Variants in FBXL13 observed in about 807,000 individuals in gnomAD.
The protein encoded by FBXL13 is F-box and leucine-rich repeat protein 13.
A neutral mutation model predicts 83.6 loss-of-function variants in FBXL13; 67 were observed. That is an observed-to-expected ratio of 0.80 (90% confidence interval 0.66 to 0.98). FBXL13 has a LOEUF of 0.98. Ranked by LOEUF, FBXL13 falls within the 50% of genes least tolerant of loss-of-function variation. The pLI, the probability that FBXL13 is intolerant of heterozygous loss-of-function variation, is 0.00. For synonymous variants in FBXL13, 272 were observed against 299.5 expected (o/e 0.91, Z 0.95); for missense variants, 822 against 866.5 (o/e 0.95, Z 0.64).
chr7:103,074,643 C>T, upstream of FBXL13: 1 of 1,274,936 alleles, frequency 7.8e-7, no homozygotes, highest in South Asian at 1.2e-5. Flanking sequence ...TGACTCCTCC[C>T]CCTTCTAACT....
intron 8 of FBXL13, among the ~76,000 whole-genome samples, chr7:102,941,666 T>C (rs920174303): frequency 6.6e-6 from 1 of 151,984 alleles, no homozygotes; most frequent in African/African-American, 2.4e-5. Context: ...CTTGGGCAAG[T>C]GTCTAATTTC....
chr7:103,074,120 G>GTCA, intron 1 of FBXL13: 1 of 505,942 alleles, frequency 2.0e-6, no homozygotes, highest in Middle Eastern at 1.0e-3. Flanking sequence ...GGCAATCCTG[G>GTCA]TTGAGAGGGT....
chr7:102,929,443 C>T (rs1818734193), intron 9 of FBXL13, among the ~76,000 whole-genome samples: 1 of 152,064 alleles, frequency 6.6e-6, no homozygotes, highest in South Asian at 2.1e-4. Flanking sequence ...GGGTGGATCA[C>T]TTGAGCTCAG....
intron 2 of FBXL13, among the ~76,000 whole-genome samples, chr7:103,041,010 A>T (rs1795624563): frequency 6.6e-6 from 1 of 152,174 alleles, no homozygotes; most frequent in South Asian, 2.1e-4. Flanking sequence ...GTCACAAAAA[A>T]CCCTTCGAAA....
intron 2 of FBXL13, among the ~76,000 whole-genome samples, chr7:103,037,940 G>A (rs1017495010): frequency 2.0e-5 from 3 of 152,066 alleles, no homozygotes; most frequent in Admixed American, 1.3e-4. Context: ...CACCTCACTG[G>A]GACTGGTTGG....
At chr7:102,899,394 A>C (rs1812687511) in intron 11 of FBXL13, among the ~76,000 whole-genome samples, 1 of 152,170 alleles carries the variant, frequency 6.6e-6, no homozygotes, top group Admixed American at 6.5e-5. Flanking sequence ...CTCTTCAAAC[A>C]TATCATCTCT....
At chr7:102,923,558 C>T (rs1001633231) in intron 10 of FBXL13, among the ~76,000 whole-genome samples, 4 of 152,198 alleles carry the variant, frequency 2.6e-5, no homozygotes, top group African/African-American at 7.2e-5. Context: ...CGCGGTGGCT[C>T]ACGCTTGTAA....
chr7:102,951,413 A>T (rs1016865688), intron 8 of FBXL13, among the ~76,000 whole-genome samples: 14 of 149,888 alleles, frequency 9.3e-5, no homozygotes, highest in Admixed American at 2.7e-4. Context: ...AAGTTAATTT[A>T]AAAAAAAACG....
intron 16 of FBXL13, among the ~76,000 whole-genome samples, chr7:102,873,980 G>A (rs1413089338): frequency 6.6e-6 from 1 of 152,160 alleles, no homozygotes; most frequent in African/African-American, 2.4e-5. Context: ...ACTAGGAAGA[G>A]GAATCATGTC....
At chr7:102,852,748 A>G (rs533040555) in intron 17 of FBXL13, among the ~76,000 whole-genome samples, 4 of 152,346 alleles carry the variant, frequency 2.6e-5, no homozygotes, top group African/African-American at 9.6e-5. Context: ...TGGGAATGTA[A>G]ACTAGTACAG....
chr7:103,015,669 T>A (rs1036794845), intron 6 of FBXL13, among the ~76,000 whole-genome samples: 2 of 152,028 alleles, frequency 1.3e-5, no homozygotes, highest in Non-Finnish European at 2.9e-5. Context: ...TGGTGGCCCA[T>A]GCCTGTAATT....
chr7:102,965,333 A>C (rs2129480004), intron 7 of FBXL13, among the ~76,000 whole-genome samples: 1 of 152,300 alleles, frequency 6.6e-6, no homozygotes, highest in Non-Finnish European at 1.5e-5. Context: ...TTTCATCTGT[A>C]AAATGGGAAA....
At chr7:102,926,898 G>A (rs1302665476) in intron 9 of FBXL13, among the ~76,000 whole-genome samples, 3 of 152,106 alleles carry the variant, frequency 2.0e-5, no homozygotes, top group South Asian at 4.1e-4. Context: ...TTAAATAGCT[G>A]AACAGATTTT....
intron 2 of FBXL13, among the ~76,000 whole-genome samples, chr7:103,031,786 C>T (rs1563247037): frequency 6.6e-6 from 1 of 152,154 alleles, no homozygotes; most frequent in Non-Finnish European, 1.5e-5. Context: ...GAATTCGTTG[C>T]AAAAGATTTT....
At chr7:102,933,937 C>T in intron 8 of FBXL13, 1 of 1,611,022 alleles carries the variant, frequency 6.2e-7, no homozygotes, top group African/African-American at 1.3e-5. Flanking sequence ...CCATTGTAAT[C>T]TTGCTCTGCT....
At chr7:102,974,351 C>A (rs1030172105) in intron 6 of FBXL13, among the ~76,000 whole-genome samples, 1 of 152,152 alleles carries the variant, frequency 6.6e-6, no homozygotes, top group Non-Finnish European at 1.5e-5. Context: ...GATCACACCA[C>A]TGCACTCCAG....
intron 2 of FBXL13, among the ~76,000 whole-genome samples, chr7:103,045,375 C>A (rs2129493810): frequency 6.6e-6 from 1 of 152,290 alleles, no homozygotes; most frequent in South Asian, 2.1e-4. Flanking sequence ...CTTCTCAGGC[C>A]ACATTTAGTT....
intron 2 of FBXL13, among the ~76,000 whole-genome samples, chr7:103,035,638 T>C (rs1794995797): frequency 6.6e-6 from 1 of 152,170 alleles, no homozygotes; most frequent in South Asian, 2.1e-4. Context: ...AAAGTTTCAG[T>C]TCTATAAAAT....
intron 2 of FBXL13, among the ~76,000 whole-genome samples, chr7:103,052,359 G>C (rs1796902398): frequency 6.6e-6 from 1 of 152,060 alleles, no homozygotes; most frequent in Non-Finnish European, 1.5e-5. Context: ...AAGTAGATGG[G>C]AGTACAAGTG....
Sources: allele counts gnomAD v4.1 joint callset (sites outside exome capture counted in the v4.1 genomes callset), GRCh38; gene constraint gnomAD v4.1.1; transcripts MANE v1.5; gene names NCBI Gene and HGNC (gene_info 2026-07-23, HGNC 2026-07-21).